SCAF1: variants seen among roughly 807,000 people sequenced by gnomAD.
SCAF1 encodes the protein SR-related CTD associated factor 1.
In SCAF1, 28 loss-of-function variants were observed where a neutral mutation model predicts 91.2. The observed-to-expected ratio is 0.31, with a 90% CI of 0.23 to 0.42. The LOEUF (loss-of-function observed/expected upper bound fraction) is 0.42. Ranked by LOEUF, SCAF1 falls within the 10% of genes least tolerant of loss-of-function variation. SCAF1 has a pLI of 1.00. For missense variants in SCAF1, 1,893 were observed against 1,872.1 expected, an observed-to-expected ratio of 1.01 and a Z score of -0.21; for synonymous variants, 1,036 against 833.7, an observed-to-expected ratio of 1.24 and a Z score of -4.18.
In SCAF1 at chr19:49,646,053, C is replaced by T; in HGVS notation, c.167-55C>T. 1 of 1,507,416 alleles carries T rather than the reference C, an allele frequency of 6.6e-7. No homozygotes were observed. Among genetic ancestry groups the T allele is most frequent in the Non-Finnish European group, 9.2e-7 (1 of 1,086,938 alleles). 93.4% of individuals were successfully genotyped at this position (1,507,416 alleles called of 1,614,324 possible). Reference sequence around the variant, plus strand: ...TCAAGCTCCTCTTTCCTCTACCCCGCAAGTCTCTGCAGCAAGTCCCCTGTG... The same window carrying T: ...TCAAGCTCCTCTTTCCTCTACCCCGTAAGTCTCTGCAGCAAGTCCCCTGTG... On this transcript the variant is annotated intron_variant, in intron 3 of 10. Transcript: ENST00000360565. The surrounding 1 kb of genome is among the most constrained non-coding windows in gnomAD (Gnocchi z 5.6).
chr19:49,645,254 G>T lies in SCAF1; in HGVS notation c.109-100G>T. 1 of 1,514,436 alleles carries T rather than the reference G, an allele frequency of 6.6e-7. No individual in the cohort carries two copies. The highest frequency in any genetic ancestry group is 9.2e-7 in the Non-Finnish European group (1 of 1,091,594). The allele number at this position is 1,514,436 out of a possible 1,614,324, so 93.8% of individuals were successfully genotyped here. On this transcript the variant is annotated intron_variant, in intron 2 of 10. Coordinates refer to ENST00000360565, the MANE Select transcript of SCAF1 (RefSeq NM_021228.3). The surrounding 1 kb of genome is among the most constrained non-coding windows in gnomAD (Gnocchi z 4.6). ...CTCTTGGCTCCCTTGAAGCACTTGAGTCTAGCTGTCAGTGTCTGGGATGTC... is the reference window on the plus strand; with the variant it reads ...CTCTTGGCTCCCTTGAAGCACTTGATTCTAGCTGTCAGTGTCTGGGATGTC...
At chr19:49,655,690 G>C (rs550640125) in intron 9 of SCAF1, among the ~76,000 whole-genome samples, 3 of 152,136 alleles carry the variant, frequency 2.0e-5, no homozygotes, top group South Asian at 4.2e-4. Flanking sequence ...TTTGAGACAG[G>C]GTCTCGCTTT....
Position 49,650,857 on chromosome 19 carries a change from T to G in SCAF1, c.479-11T>G. On this transcript the variant is annotated splice_polypyrimidine_tract_variant and intron_variant, in intron 6 of 10. Transcript: ENST00000360565. Reference sequence around the variant, plus strand: ...GGCCCTGACCGCCTCTCTCTCCCTGTTCCTTTGCAGTTTCTCCACAGTCGA... The same window carrying G: ...GGCCCTGACCGCCTCTCTCTCCCTGGTCCTTTGCAGTTTCTCCACAGTCGA... 1 of 1,603,756 alleles carries G rather than the reference T, an allele frequency of 6.2e-7. No homozygotes were observed. The highest frequency in any genetic ancestry group is 8.5e-7 in the Non-Finnish European group (1 of 1,174,344).
chr19:49,657,980 A>G (rs1289738705), intron 10 of SCAF1, 91 bp downstream of exon 10: 1 of 1,495,536 alleles, frequency 6.7e-7, no homozygotes, highest in African/African-American at 1.4e-5. Context: ...CGGATGGGAG[A>G]CGGGGAGGAG....
rs767414378 is a variant in SCAF1 at position 49,658,297 on chromosome 19, G to A, written c.3837G>A (p.Lys1279=). The A allele has an allele frequency of 7.4e-6, 12 of 1,611,064 alleles. No homozygotes were observed. The South Asian group carries it at 7.7e-5, about 10-fold the overall frequency. Residue 1279 remains lysine (K), a synonymous_variant, in exon 11 of 11, where the codon AAG becomes AAA. Transcript: ENST00000360565. ...TCCAGCGCTACCGCTACTTCCGCAAGCACGGTCGCAAGCCAGGGGACCCCC... is the reference window on the plus strand; with the variant it reads ...TCCAGCGCTACCGCTACTTCCGCAAACACGGTCGCAAGCCAGGGGACCCCC... ...AYVQRYRYFR[K]HGRKPGDPPG...
In SCAF1 at chr19:49,646,665, G is replaced by C. The variant is rs756821636; in HGVS notation, c.362+39G>C. 3.1e-6 allele frequency: 5 copies of C among 1,612,976 alleles called. No individual in the cohort carries two copies. Among genetic ancestry groups the C allele is most frequent in the East Asian group, 2.2e-5 (1 of 44,880 alleles). ...CAGCTGGAGTGGGAGAGGCCTCAGC[G>C]TGAGAGCCAGAAGCACCCCTGAGGC... On this transcript the variant is annotated intron_variant, in intron 5 of 10. Transcript: ENST00000360565. The surrounding 1 kb of genome is among the most constrained non-coding windows in gnomAD (Gnocchi z 5.6).
At position 49,654,813 on chromosome 19, in the gene SCAF1, C is replaced by A; in HGVS notation, c.3561C>A (p.Ala1187=). 6.2e-7 allele frequency: 1 copy of A among 1,612,516 alleles called. No homozygotes were observed. Among genetic ancestry groups the A allele is most frequent in the South Asian group, 1.1e-5 (1 of 91,002 alleles). ...STPPTPTGLA[A]TSDKREGSSS... ...CCCCCACCCCCACCGGGCTGGCTGC[C>A]ACGTCTGACAAGAGAGAGGGCAGCA... The change falls in exon 9 of 11, where the codon GCC becomes GCA. Residue 1187 remains alanine, a synonymous_variant. Transcript: ENST00000360565.
intron 1 of SCAF1, among the ~76,000 whole-genome samples, chr19:49,643,363 CATTAACTCACCTTCCACGA>C (rs2122444524): frequency 6.6e-6 from 1 of 152,316 alleles, no homozygotes; most frequent in African/African-American, 2.4e-5. Context: ...AATGTATTAA[CATTAACTCACCTTCCACGA>C]ATTGACATTT....
upstream of SCAF1, among the ~76,000 whole-genome samples, chr19:49,641,498 G>A (rs988600231): frequency 1.3e-5 from 2 of 152,122 alleles, no homozygotes; most frequent in Non-Finnish European, 2.9e-5. Context: ...TGTATTTTTA[G>A]TAGAGACTGG....
In SCAF1 at chr19:49,651,703, G is replaced by T. The variant is rs1465656346; in HGVS notation, c.1314G>T (p.Pro438=). The T allele has an allele frequency of 7.2e-7, 1 of 1,386,720 alleles. No homozygotes were observed. The highest frequency in any genetic ancestry group is 9.2e-7 in the Non-Finnish European group (1 of 1,081,780). 85.9% of individuals were successfully genotyped at this position (1,386,720 alleles called of 1,614,324 possible). ...AGCCCCTTCCTCAGCCTCCCGCTCC[G>T]CGGGCCCCCGAGGGGGACGACTTCT... The part of the protein sequence containing the change: ...TAQPLPQPPA[P]RAPEGDDFLS... The change falls in exon 7 of 11, where the codon CCG becomes CCT. Residue 438 remains proline, a synonymous_variant. Transcript: ENST00000360565.
chr19:49,646,179 T>G lies in SCAF1; in HGVS notation c.238T>G (p.Ser80Ala). ...SPRSEPRSQE[S>A]GGTDTATVLD... ...ACGGTCAGAGCCCCGTTCCCAGGAA[T>G]CAGGGGGCACTGACACGGCTACTGT... Residue 80 changes from serine (S) to alanine (A), a missense_variant, in exon 4 of 11, where the codon TCA (serine) becomes GCA (alanine). Transcript: ENST00000360565. This position sits in a 1 kb window ranked among gnomAD's most constrained non-coding sequence, Gnocchi z 5.6. The G allele has an allele frequency of 6.2e-7, 1 of 1,607,758 alleles. No homozygotes were observed. The highest frequency in any genetic ancestry group is 8.5e-7 in the Non-Finnish European group (1 of 1,179,398).
chr19:49,641,116 T>C (rs368709635), upstream of SCAF1, among the ~76,000 whole-genome samples: 1 of 152,110 alleles, frequency 6.6e-6, no homozygotes. Context: ...GGGACCCGAA[T>C]TCGTATGTGA....
chr19:49,653,323 C>A lies in SCAF1; in HGVS notation c.2934C>A (p.Pro978=), dbSNP rs779484741. 4.8e-6 allele frequency: 7 copies of A among 1,468,110 alleles called. No individual in the cohort carries two copies. The highest frequency in any genetic ancestry group is 6.3e-6 in the Non-Finnish European group (7 of 1,107,988). 90.9% of individuals were successfully genotyped at this position (1,468,110 alleles called of 1,614,324 possible). The change falls in exon 7 of 11, where the codon CCC becomes CCA. Residue 978 remains proline (P), a synonymous_variant. Coordinates refer to ENST00000360565, the MANE Select transcript of SCAF1 (RefSeq NM_021228.3). ...CAGCCAAGGTTCCTAGCACCCCGCC[C>A]CCCAAGGCAGCCCCACCACCCCCTG... ...ERAAKVPSTP[P]PKAAPPPPAL... is the part of the protein sequence containing the mutation.
rs562524555 is a variant in SCAF1 at position 49,642,566 on chromosome 19, G to A, written c.-7+324G>A. On this transcript the variant is annotated intron_variant, in intron 1 of 10. Transcript: ENST00000360565. This position sits in a 1 kb window ranked among gnomAD's most constrained non-coding sequence, Gnocchi z 4.0. Reference sequence around the variant, plus strand: ...CTGGATCGTGTCTGTAGACACTGTAGATTGTCTTTTTGGGCTGACCGGAGG... The same window carrying A: ...CTGGATCGTGTCTGTAGACACTGTAAATTGTCTTTTTGGGCTGACCGGAGG... 12 of 152,552 alleles carry A rather than the reference G, an allele frequency of 7.9e-5. No homozygotes were observed. Among genetic ancestry groups the A allele is most frequent in the African/African-American group, 2.9e-4 (12 of 41,578 alleles). 9.4% of individuals were successfully genotyped at this position (152,552 alleles called of 1,614,324 possible).
rs1257746128 is a variant in SCAF1 at position 49,653,273 on chromosome 19, A to C, written c.2884A>C (p.Thr962Pro). 1 of 1,473,584 alleles carries C rather than the reference A, an allele frequency of 6.8e-7. No individual in the cohort carries two copies. Among genetic ancestry groups the C allele is most frequent in the Non-Finnish European group, 9.0e-7 (1 of 1,110,864 alleles). The allele number at this position is 1,473,584 out of a possible 1,614,324, so 91.3% of individuals were successfully genotyped here. Residue 962 changes from threonine to proline, a missense_variant, in exon 7 of 11, where the codon ACT (threonine) becomes CCT (proline). Physicochemically the swap from Thr to Pro is conservative, Grantham distance 38 (BLOSUM62 -1). This residue lies in a region of SCAF1 where 1,436 missense variants were observed against 1,306.8 expected (regional missense o/e 1.10). Coordinates refer to ENST00000360565, the MANE Select transcript of SCAF1 (RefSeq NM_021228.3). Reference protein sequence around the residue: ...QAAGTKGAEETSWSGEERAAK... With the variant: ...QAAGTKGAEEPSWSGEERAAK... Reference sequence around the variant, plus strand: ...GGCAGGCACCAAGGGGGCGGAGGAGACTTCCTGGTCCGGGGAGGAGCGGGC... The same window carrying C: ...GGCAGGCACCAAGGGGGCGGAGGAGCCTTCCTGGTCCGGGGAGGAGCGGGC...
At chr19:49,654,072 C>CA (rs2122512099) in intron 7 of SCAF1, among the ~76,000 whole-genome samples, 1 of 152,272 alleles carries the variant, frequency 6.6e-6, no homozygotes, top group Admixed American at 6.5e-5. Context: ...GGACTGGCCA[C>CA]AGCGGGTCAG....
At chr19:49,640,663 G>C (rs1036393226), upstream of SCAF1, among the ~76,000 whole-genome samples, 1 of 152,188 alleles carries the variant, frequency 6.6e-6, no homozygotes, top group Non-Finnish European at 1.5e-5. Flanking sequence ...TTAGAAGCTA[G>C]AGTCTCCGCC....
In SCAF1 at chr19:49,651,214, GGAA is replaced by G. The variant is rs771633242; in HGVS notation, c.834_836del (p.Glu282del). 6.2e-5 allele frequency: 100 copies of G among 1,613,272 alleles called. No homozygotes were observed. Among genetic ancestry groups the G allele is most frequent in the South Asian group, 8.8e-5 (8 of 91,032 alleles). On this transcript the variant is annotated inframe_deletion, in exon 7 of 11. Transcript: ENST00000360565. ...CTGAGGAGGAAGAGGAGGAGGAAGA[GGAA>G]GAAGAAGAGGAAGAGGAAGACGAGG...
rs1344737728 is a variant in SCAF1, at chr19:49,658,608, C to A, written c.*209C>A. 2 of 592,754 alleles carry A rather than the reference C, an allele frequency of 3.4e-6. No homozygotes were observed. The highest frequency in any genetic ancestry group is 6.0e-6 in the Non-Finnish European group (2 of 334,686). The allele number at this position is 592,754 out of a possible 1,614,324, so 36.7% of individuals were successfully genotyped here. ...GCCCCTCCCTTCTGTTTGTGCCCCT[C>A]TCCCCAATTTCATTAAAGATTTCAT... On this transcript the variant is annotated 3_prime_UTR_variant, in exon 11 of 11. Coordinates refer to ENST00000360565, the MANE Select transcript of SCAF1 (RefSeq NM_021228.3).
Sources: gnomAD v4.1 joint callset for allele counts (sites outside exome capture counted in the v4.1 genomes callset) on GRCh38, gnomAD v4.1.1 for gene constraint, gnomAD v4.1.1 regional missense constraint, Gnocchi (gnomAD v3.1) non-coding constraint, MANE v1.5 for transcripts, NCBI Gene and HGNC (gene_info 2026-07-23, HGNC 2026-07-21) for gene names.